HDAC4: variants seen among roughly 807,000 people sequenced by gnomAD.
HDAC4 encodes histone deacetylase 4, also known as histone deacetylase A.
In HDAC4, 16 loss-of-function variants were observed where a neutral mutation model predicts 135.1. The observed-to-expected ratio is 0.12, with a 90% confidence interval of 0.08 to 0.18. The LOEUF (loss-of-function observed/expected upper bound fraction) is 0.18. HDAC4 is among the 10% of genes least tolerant of loss of function. The pLI, the probability that HDAC4 is intolerant of heterozygous loss-of-function variation, is 1.00. For missense variants in HDAC4, 1,143 were observed against 1,511.8 expected (o/e 0.76, Z 4.05); for synonymous variants, 685 against 653.4 (o/e 1.05, Z -0.74).
At chr2:239,080,287 G>T in intron 22 of HDAC4, among the ~76,000 whole-genome samples, 1 of 152,248 alleles carries the variant, frequency 6.6e-6, no homozygotes, top group Non-Finnish European at 1.5e-5. Flanking sequence ...GAAAAGCGCT[G>T]AAGACTGTAT....
chr2:239,097,736 A>C (rs117549872), intron 16 of HDAC4, among the ~76,000 whole-genome samples: 1 of 152,232 alleles, frequency 6.6e-6, no homozygotes, highest in Non-Finnish European at 1.5e-5. Context: ...GTGGGTGCCA[A>C]GGTGCCAAGC....
chr2:239,161,523 CAA>C (rs2042792740), intron 6 of HDAC4, among the ~76,000 whole-genome samples: 1 of 152,148 alleles, frequency 6.6e-6, no homozygotes, highest in Admixed American at 6.5e-5. Flanking sequence ...GGTTTTCTGA[CAA>C]AGTTTCTGCC....
intron 4 of HDAC4, 92 bp from the exon 5 acceptor site, chr2:239,176,655 T>G (rs993354086): frequency 2.4e-5 from 29 of 1,195,210 alleles, no homozygotes; most frequent in Non-Finnish European, 6.0e-6. Flanking sequence ...GCCCAGGCCC[T>G]ACACGTCTGC....
rs1559494093 is a variant in HDAC4, at chr2:239,136,302, C to A, written c.979-1659G>T. Among the ~76,000 whole-genome samples, 5 of 152,206 alleles carry A rather than the reference C, an allele frequency of 3.3e-5. No individual in the cohort carries two copies. In the East Asian group the frequency reaches 9.6e-4, roughly 29 times the overall value. On this transcript the variant is annotated intron_variant, in intron 9 of 26. Coordinates refer to ENST00000543185, the MANE Select transcript of HDAC4 (RefSeq NM_001378414.1). Reference sequence around the variant, plus strand: ...ATGAGAAAATGCCATGTTTGTCTTTCTGTGCCTGGCTTAGTTCACTTAACA... The same window carrying A: ...ATGAGAAAATGCCATGTTTGTCTTTATGTGCCTGGCTTAGTTCACTTAACA...
chr2:239,366,834 C>T lies in HDAC4; in HGVS notation c.-219-13916G>A, dbSNP rs763389554. ...TTATCCCTGACTTATCCCTGCCCTA[C>T]GCAGGGCACCCCCAGGGCAGGTGAC... On this transcript the variant is annotated intron_variant, in intron 1 of 26. Transcript: ENST00000543185. Among the ~76,000 whole-genome samples the T allele has an allele frequency of 6.7e-5, 10 of 149,888 alleles. 1 individual carries two copies. Among genetic ancestry groups the T allele is most frequent in the South Asian group, 2.1e-4 (1 of 4,820 alleles).
At chr2:239,291,945 C>G (rs888018935) in intron 2 of HDAC4, among the ~76,000 whole-genome samples, 3 of 152,212 alleles carry the variant, frequency 2.0e-5, no homozygotes, top group Non-Finnish European at 2.9e-5. Flanking sequence ...TTGTCTGCAG[C>G]ACAGCAACTG....
intron 24 of HDAC4, among the ~76,000 whole-genome samples, chr2:239,060,805 C>T (rs1230617746): frequency 1.3e-5 from 2 of 152,268 alleles, no homozygotes; most frequent in Admixed American, 1.3e-4. Context: ...CCGGAGCAGC[C>T]CGCACCTGCC....
chr2:239,052,984 T>A lies in HDAC4; in HGVS notation c.*113A>T. 7.8e-7 allele frequency: 1 copy of A among 1,281,050 alleles called. No individual in the cohort carries two copies. The highest frequency in any genetic ancestry group is 1.1e-6 in the Non-Finnish European group (1 of 877,160). 79.4% of individuals were successfully genotyped at this position (1,281,050 alleles called of 1,614,324 possible). A position where few individuals can be genotyped will look rare whatever the true frequency, so the allele number is the denominator to read the frequency against. On this transcript the variant is annotated 3_prime_UTR_variant, in exon 27 of 27. Coordinates refer to ENST00000543185, the MANE Select transcript of HDAC4 (RefSeq NM_001378414.1). ...GTGGCTGTTGCACGCTGGGTGTCCCTGGGTGCTCCAAGAGAGCCCCACGGT... is the reference window on the plus strand; with the variant it reads ...GTGGCTGTTGCACGCTGGGTGTCCCAGGGTGCTCCAAGAGAGCCCCACGGT...
At chr2:239,059,233 A>G (rs2032314359) in intron 24 of HDAC4, among the ~76,000 whole-genome samples, 1 of 152,264 alleles carries the variant, frequency 6.6e-6, no homozygotes, top group Non-Finnish European at 1.5e-5. Context: ...TGCACACATC[A>G]GGAAAGACTA....
Position 239,099,990 on chromosome 2 carries a change from G to T in HDAC4, c.2233+2786C>A, listed in dbSNP as rs1320498403. ...ACCTTCCTACTCACCCGGCAGTTTGGCGGGACACAAACTTCAGGAGGGCAA... is the reference window on the plus strand; with the variant it reads ...ACCTTCCTACTCACCCGGCAGTTTGTCGGGACACAAACTTCAGGAGGGCAA... On this transcript the variant is annotated intron_variant, in intron 16 of 26. Coordinates refer to ENST00000543185, the MANE Select transcript of HDAC4 (RefSeq NM_001378414.1). Among the ~76,000 whole-genome samples, 3 of 152,362 alleles carry T rather than the reference G, an allele frequency of 2.0e-5. No individual in the cohort carries two copies. In the East Asian group the frequency reaches 5.8e-4, roughly 29 times the overall value.
chr2:239,360,647 C>G (rs1331455345), intron 1 of HDAC4, among the ~76,000 whole-genome samples: 1 of 152,228 alleles, frequency 6.6e-6, no homozygotes, highest in Non-Finnish European at 1.5e-5. Flanking sequence ...CACCCGAGCT[C>G]CACCTGGTCC....
At chr2:239,372,798 CAT>C (rs1694725983) in intron 1 of HDAC4, among the ~76,000 whole-genome samples, 1 of 152,256 alleles carries the variant, frequency 6.6e-6, no homozygotes, top group Non-Finnish European at 1.5e-5. Context: ...ATTCCATACA[CAT>C]ACACACACAC....
At chr2:239,271,651 A>G (rs2050065578) in intron 2 of HDAC4, among the ~76,000 whole-genome samples, 1 of 152,218 alleles carries the variant, frequency 6.6e-6, no homozygotes, top group Non-Finnish European at 1.5e-5. Context: ...ACAGACACAA[A>G]GCCTGGGTGG....
In HDAC4 at chr2:239,240,583, C is replaced by T. The variant is rs902330876; in HGVS notation, c.23-3919G>A. ...AAGCAGGTTCCCCCTTATCTGTCTCCGCTTGAGAATCTATTTTTGGAAACC... is the reference window on the plus strand; with the variant it reads ...AAGCAGGTTCCCCCTTATCTGTCTCTGCTTGAGAATCTATTTTTGGAAACC... On this transcript the variant is annotated intron_variant, in intron 2 of 26. Coordinates refer to ENST00000543185, the MANE Select transcript of HDAC4 (RefSeq NM_001378414.1). This position sits in a 1 kb window ranked among gnomAD's most constrained non-coding sequence, Gnocchi z 4.5. 3.3e-5 allele frequency among the ~76,000 whole-genome samples: 5 copies of T among 152,280 alleles called. No homozygotes were observed. In the East Asian group the frequency reaches 5.8e-4, roughly 18 times the overall value.
At chr2:239,114,237 T>C (rs74000672) in intron 13 of HDAC4, among the ~76,000 whole-genome samples, 7,829 of 151,706 alleles carry the variant, frequency 0.052, 578 homozygotes, top group African/African-American at 0.17. Flanking sequence ...GCTGGGGAGG[T>C]GCTCAACGGC....
chr2:239,164,586 T>G (rs1402673111), intron 5 of HDAC4, among the ~76,000 whole-genome samples: 2 of 152,244 alleles, frequency 1.3e-5, no homozygotes, highest in Non-Finnish European at 2.9e-5. Context: ...ACACAAGGCC[T>G]GTTAGCACGG....
At chr2:239,274,505 C>A (rs1173733114) in intron 2 of HDAC4, among the ~76,000 whole-genome samples, 1 of 152,190 alleles carries the variant, frequency 6.6e-6, no homozygotes, top group Non-Finnish European at 1.5e-5. Context: ...CGAGCCACAG[C>A]CATGACTAAC....
In HDAC4 at chr2:239,081,197, G is replaced by T; in HGVS notation, c.2653-5C>A. On this transcript the variant is annotated splice_region_variant and splice_polypyrimidine_tract_variant and intron_variant, in intron 21 of 26. Coordinates refer to ENST00000543185, the MANE Select transcript of HDAC4 (RefSeq NM_001378414.1). ...CACGCCGGGCCCTGTGCCCACCTGT[G>T]GCCAGAAGGAGAGAAACACACGTCA... 1 of 1,611,658 alleles carries T rather than the reference G, an allele frequency of 6.2e-7. No homozygotes were observed.
chr2:239,231,756 G>A (rs1370217828), intron 3 of HDAC4, among the ~76,000 whole-genome samples: 3 of 23,358 alleles, frequency 1.3e-4, no homozygotes, highest in Admixed American at 4.5e-4. Context: ...ACCTGCTCCC[G>A]GATGCCTGAG....
Sources: allele counts gnomAD v4.1 joint callset (sites outside exome capture counted in the v4.1 genomes callset), GRCh38; gene constraint gnomAD v4.1.1; non-coding constraint Gnocchi (gnomAD v3.1); transcripts MANE v1.5; gene names NCBI Gene and HGNC (gene_info 2026-07-23, HGNC 2026-07-21).